The following IGF1R variants were observed in gnomAD, a reference collection of about 807,000 sequenced individuals.
IGF1R encodes the protein insulin like growth factor 1 receptor, also known as insulin-like growth factor 1 receptor.
IGF1R carries 44 observed loss-of-function variants against 144.6 expected under a neutral mutation model. The ratio of observed to expected loss-of-function variants is 0.30; its 90% CI spans 0.24 to 0.39. The LOEUF is 0.39. Among genes scored for constraint, IGF1R ranks in the 10% least tolerant of loss-of-function variants. The pLI, the probability that IGF1R is intolerant of heterozygous loss-of-function variation, is 1.00. For missense variants in IGF1R, 1,355 were observed against 1,833.7 expected (o/e 0.74, Z 4.77); for synonymous variants, 795 against 722.8 (o/e 1.10, Z -1.60).
chr15:98,758,587 C>T (rs761944129), intron 2 of IGF1R, among the ~76,000 whole-genome samples: 2 of 152,226 alleles, frequency 1.3e-5, no homozygotes, highest in South Asian at 2.1e-4. Context: ...TGGAAGCCCC[C>T]CTTCCCTCTG....
intron 2 of IGF1R, among the ~76,000 whole-genome samples, chr15:98,848,234 A>G (rs1420628613): frequency 2.0e-5 from 3 of 152,364 alleles, no homozygotes; most frequent in South Asian, 4.1e-4. Flanking sequence ...AAAGGGACAT[A>G]TCTTTCAAAC....
chr15:98,788,430 C>G (rs1460400746), intron 2 of IGF1R, among the ~76,000 whole-genome samples: 2 of 152,212 alleles, frequency 1.3e-5, no homozygotes, highest in African/African-American at 4.8e-5. Flanking sequence ...TCTGCTAAGT[C>G]ACAGGCTTCC....
chr15:98,750,502 T>C (rs944066571), intron 2 of IGF1R, among the ~76,000 whole-genome samples: 4 of 152,200 alleles, frequency 2.6e-5, no homozygotes, highest in Non-Finnish European at 5.9e-5. Flanking sequence ...TCTGTCATCC[T>C]TGGTTTCATT....
chr15:98,929,707 G>T (rs760100173), intron 14 of IGF1R, 47 bp downstream of exon 14: 2 of 1,294,192 alleles, frequency 1.5e-6, no homozygotes, highest in Non-Finnish European at 2.3e-6. Flanking sequence ...TGAGTGGTTT[G>T]ATGATTTGAA....
chr15:98,934,680 C>A (rs1474771193), intron 15 of IGF1R, 144 bp from the exon 16 acceptor site: 4 of 727,260 alleles, frequency 5.5e-6, no homozygotes, highest in South Asian at 1.5e-5. Flanking sequence ...GGAAAGTTGA[C>A]ATCAAGCCAT....
intron 10 of IGF1R, 79 bp downstream of exon 10, chr15:98,916,955 G>A (rs757402942): frequency 8.0e-7 from 1 of 1,244,132 alleles, no homozygotes; most frequent in East Asian, 2.3e-5. Context: ...CCACCAGGTA[G>A]TGTGTAAGTC....
Position 98,963,212 on chromosome 15 carries a change from CATTT to C in IGF1R, c.*5771_*5774del. On this transcript the variant is annotated 3_prime_UTR_variant, in exon 21 of 21. Coordinates refer to ENST00000650285, the MANE Select transcript of IGF1R (RefSeq NM_000875.5). ...TGTGTGCAAATGTGTGTTTGTGATC[CATTT>C]TTTTTTTTTTTTTTTAGGACACCTG... is the stretch of plus-strand genomic sequence containing the variant. 6.1e-6 allele frequency: 1 copy of C among 164,710 alleles called. No homozygotes were observed. The highest frequency in any genetic ancestry group is 4.3e-5 in the African/African-American group (1 of 23,476). 10.2% of individuals were successfully genotyped at this position (164,710 alleles called of 1,614,324 possible).
intron 5 of IGF1R, among the ~76,000 whole-genome samples, chr15:98,904,268 G>C (rs1567188653): frequency 2.0e-5 from 3 of 152,038 alleles, no homozygotes; most frequent in African/African-American, 4.8e-5. Context: ...TAGCCAGTAT[G>C]GTCTCGATCA....
rs113764503 is a variant in IGF1R, at chr15:98,860,575, T to C, written c.641-30750T>C. Among the ~76,000 whole-genome samples, 290 of 152,342 alleles carry C rather than the reference T, an allele frequency of 1.9e-3. 1 individual carries two copies. The highest frequency in any genetic ancestry group is 6.3e-3 in the African/African-American group (260 of 41,576). ...GCTTCTTACTCCAGTGAATATAATTTAGTCATTTCTGGCCAACTTGAGGAC... is the reference window on the plus strand; with the variant it reads ...GCTTCTTACTCCAGTGAATATAATTCAGTCATTTCTGGCCAACTTGAGGAC... On this transcript the variant is annotated intron_variant, in intron 2 of 20. Coordinates refer to ENST00000650285, the MANE Select transcript of IGF1R (RefSeq NM_000875.5).
rs761670546 is a variant in IGF1R, at chr15:98,913,204, G to A, written c.1750G>A (p.Val584Met). The change falls in exon 8 of 21, where the codon GTG becomes ATG. Residue 584 changes from valine (V) to methionine (M), a missense_variant. Physicochemically the swap from Val to Met is conservative, Grantham distance 21. Around this residue, in one of 7 missense-constraint regions of IGF1R, gnomAD observed 880 missense variants for 1,202.7 expected, o/e 0.73. Coordinates refer to ENST00000650285, the MANE Select transcript of IGF1R (RefSeq NM_000875.5). ...WTQYAVYVKA[V>M]TLTMVENDHI... The stretch of plus-strand genomic sequence containing the variant: ...TCAGTACGCCGTTTACGTCAAGGCT[G>A]TGACCCTCACCATGGTGGAGAACGA... The A allele has an allele frequency of 1.7e-5, 28 of 1,614,104 alleles. No individual in the cohort carries two copies. The highest frequency in any genetic ancestry group is 2.3e-5 in the Non-Finnish European group (27 of 1,180,044).
intron 2 of IGF1R, among the ~76,000 whole-genome samples, chr15:98,869,851 T>TAGTC (rs2012687559): frequency 6.6e-6 from 1 of 152,244 alleles, no homozygotes; most frequent in Non-Finnish European, 1.5e-5. Flanking sequence ...TTTGCCTATG[T>TAGTC]AGTCGTCCAG....
chr15:98,748,306 A>G (rs1223310193), intron 2 of IGF1R, among the ~76,000 whole-genome samples: 1 of 152,138 alleles, frequency 6.6e-6, no homozygotes, highest in Non-Finnish European at 1.5e-5. Flanking sequence ...AGCTGGAACT[A>G]CAGGCATAAG....
At chr15:98,654,282 A>G (rs1049789258) in intron 1 of IGF1R, among the ~76,000 whole-genome samples, 28 of 152,310 alleles carry the variant, frequency 1.8e-4, no homozygotes, top group Non-Finnish European at 2.9e-4. Flanking sequence ...TCTTTATAAC[A>G]TTGGATATGG....
At chr15:98,800,621 C>A (rs917420027) in intron 2 of IGF1R, among the ~76,000 whole-genome samples, 11 of 152,110 alleles carry the variant, frequency 7.2e-5, no homozygotes, top group Non-Finnish European at 1.5e-4. Flanking sequence ...CTGCAGGATG[C>A]CCTCCCAGCC....
chr15:98,929,734 A>G (rs886343780), intron 14 of IGF1R, 74 bp downstream of exon 14: 1 of 988,776 alleles, frequency 1.0e-6, no homozygotes, highest in South Asian at 1.3e-5. Flanking sequence ...TGAAGGTGAT[A>G]TTTTTGAAGA....
chr15:98,818,081 G>T (rs185602620), intron 2 of IGF1R, among the ~76,000 whole-genome samples: 187 of 152,274 alleles, frequency 1.2e-3, no homozygotes, highest in Middle Eastern at 3.4e-3. Context: ...ACTGATTAAG[G>T]ACATTAATCC....
chr15:98,773,109 G>A (rs189240818), intron 2 of IGF1R, among the ~76,000 whole-genome samples: 4 of 152,212 alleles, frequency 2.6e-5, no homozygotes, highest in South Asian at 2.1e-4. Context: ...TGTTTCCAGC[G>A]TGTGAACTTT....
Position 98,852,087 on chromosome 15 carries a change from T to C in IGF1R, c.641-39238T>C, listed in dbSNP as rs971092187. Among the ~76,000 whole-genome samples, 43 of 152,344 alleles carry C rather than the reference T, an allele frequency of 2.8e-4. 2 individuals carry two copies. Among genetic ancestry groups the C allele is most frequent in the African/African-American group, 1.0e-3 (43 of 41,586 alleles). On this transcript the variant is annotated intron_variant, in intron 2 of 20. Transcript: ENST00000650285. ...GGAAAGAGGAGGAACTAAATTGCCA[T>C]TCTCTTTGGAGACTTTCTAAAACCT... is the stretch of plus-strand genomic sequence containing the variant.
intron 2 of IGF1R, among the ~76,000 whole-genome samples, chr15:98,870,045 G>C (rs76437281): frequency 0.01 from 1,574 of 152,334 alleles, 21 homozygotes; most frequent in Non-Finnish European, 0.013. Flanking sequence ...GTGTACACTA[G>C]TGGAAGAGAG....
Sources: gnomAD v4.1 joint callset for allele counts (sites outside exome capture counted in the v4.1 genomes callset) on GRCh38, gnomAD v4.1.1 for gene constraint, gnomAD v4.1.1 regional missense constraint, MANE v1.5 for transcripts, NCBI Gene and HGNC (gene_info 2026-07-23, HGNC 2026-07-21) for gene names.